The following PCDHGA1 variants were observed in gnomAD, a reference collection of about 807,000 sequenced individuals.
The protein encoded by PCDHGA1 is protocadherin gamma subfamily A, 1.
A neutral mutation model predicts 58.0 loss-of-function variants in PCDHGA1; 32 were observed. The ratio of observed to expected loss-of-function variants is 0.55; its 90% CI spans 0.42 to 0.74. The LOEUF (loss-of-function observed/expected upper bound fraction) is 0.74, where lower values mean the gene tolerates loss of function less well. Ranked by LOEUF, PCDHGA1 falls within the 30% of genes least tolerant of loss-of-function variation. PCDHGA1 has a pLI of 0.00. For synonymous variants in PCDHGA1, 498 were observed against 501.1 expected (o/e 0.99, Z 0.08); for missense variants, 1,205 against 1,182.3 (o/e 1.02, Z -0.28).
At chr5:141,492,168 A>C (rs1426223836) in intron 1 of PCDHGA1, among the ~76,000 whole-genome samples, 1 of 152,108 alleles carries the variant, frequency 6.6e-6, no homozygotes, top group African/African-American at 2.4e-5. Context: ...CTATCCCCGC[A>C]TCACCCAACC....
intron 1 of PCDHGA1, chr5:141,366,677 G>C (rs781103707): frequency 6.2e-7 from 1 of 1,614,148 alleles, no homozygotes; most frequent in Non-Finnish European, 8.5e-7. Context: ...CCTTAGTGAA[G>C]AGAGCTGTGA....
At chr5:141,451,561 C>T (rs1412657561) in intron 1 of PCDHGA1, among the ~76,000 whole-genome samples, 2 of 152,096 alleles carry the variant, frequency 1.3e-5, no homozygotes, top group Non-Finnish European at 2.9e-5. Flanking sequence ...ATGAAAGCCA[C>T]AATCTTTTTA....
intron 1 of PCDHGA1, among the ~76,000 whole-genome samples, chr5:141,433,995 CT>C (rs2097669147): frequency 2.6e-5 from 4 of 152,028 alleles, no homozygotes; most frequent in Admixed American, 2.0e-4. Flanking sequence ...GTTTTATATT[CT>C]CTATATATGT....
chr5:141,455,541 A>G (rs2098825752), intron 1 of PCDHGA1, among the ~76,000 whole-genome samples: 1 of 152,134 alleles, frequency 6.6e-6, no homozygotes, highest in African/African-American at 2.4e-5. Context: ...CATATCATTC[A>G]CGTAGCCCGA....
chr5:141,460,987 A>G (rs201722325), intron 1 of PCDHGA1, among the ~76,000 whole-genome samples: 34 of 92,988 alleles, frequency 3.7e-4, no homozygotes, highest in Middle Eastern at 5.0e-3. Flanking sequence ...GTGTGTGTAT[A>G]TATATATATG....
intron 1 of PCDHGA1, among the ~76,000 whole-genome samples, chr5:141,449,974 A>T (rs2098661108): frequency 6.6e-6 from 1 of 151,260 alleles, no homozygotes; most frequent in African/African-American, 2.4e-5. Context: ...TTTAGTCCAA[A>T]ATATCACACA....
At chr5:141,460,864 A>C (rs1220160866) in intron 1 of PCDHGA1, among the ~76,000 whole-genome samples, 1 of 151,800 alleles carries the variant, frequency 6.6e-6, no homozygotes, top group East Asian at 1.9e-4. Flanking sequence ...AAGTTGCTGC[A>C]AAGGACATTA....
chr5:141,489,069 C>G lies in PCDHGA1; in HGVS notation c.2422-5738C>G. ...TCAAATTCAGCTCCCCTCCCCCCTGCCCACCCCCGCCACTCGGTGACTAAG... is the reference window on the plus strand; with the variant it reads ...TCAAATTCAGCTCCCCTCCCCCCTGGCCACCCCCGCCACTCGGTGACTAAG... On this transcript the variant is annotated intron_variant, in intron 1 of 3. Coordinates refer to ENST00000517417, the MANE Select transcript of PCDHGA1 (RefSeq NM_018912.3). The surrounding 1 kb of genome is among the most constrained non-coding windows in gnomAD (Gnocchi z 4.5). 6.4e-5 allele frequency: 18 copies of G among 281,056 alleles called. No homozygotes were observed. Among genetic ancestry groups the G allele is most frequent in the Middle Eastern group, 1.1e-3 (1 of 944 alleles). 17.4% of individuals were successfully genotyped at this position (281,056 alleles called of 1,614,324 possible).
Position 141,477,912 on chromosome 5 carries a change from A to T in PCDHGA1, c.2422-16895A>T. The T allele has an allele frequency of 6.2e-7, 1 of 1,614,166 alleles. No individual in the cohort carries two copies. Among genetic ancestry groups the T allele is most frequent in the Non-Finnish European group, 8.5e-7 (1 of 1,180,022 alleles). ...TCACGGGTGGTAGGCTGGGACGCGGATGCAGGGCACAATGCCTGGCTCTCC... is the reference window on the plus strand; with the variant it reads ...TCACGGGTGGTAGGCTGGGACGCGGTTGCAGGGCACAATGCCTGGCTCTCC... On this transcript the variant is annotated intron_variant, in intron 1 of 3. Coordinates refer to ENST00000517417, the MANE Select transcript of PCDHGA1 (RefSeq NM_018912.3). This position sits in a 1 kb window ranked among gnomAD's most constrained non-coding sequence, Gnocchi z 4.9.
intron 1 of PCDHGA1, chr5:141,378,952 A>C (rs1276367452): frequency 6.6e-6 from 1 of 152,232 alleles, no homozygotes; most frequent in East Asian, 1.9e-4. Flanking sequence ...AATGGAGTAC[A>C]GGGGATTCTC....
chr5:141,341,590 T>C (rs1757071068), intron 1 of PCDHGA1: 3 of 1,118,678 alleles, frequency 2.7e-6, no homozygotes, highest in Non-Finnish European at 3.7e-6. Context: ...GTGAGAATCT[T>C]TGTGCAATGA....
At chr5:141,333,390 G>C in intron 1 of PCDHGA1, 1 of 534,064 alleles carries the variant, frequency 1.9e-6, no homozygotes, top group South Asian at 3.0e-5. Context: ...ATTAGAAACG[G>C]CGATCTAGCT....
chr5:141,388,628 G>T (rs752578230), intron 1 of PCDHGA1: 1 of 1,613,898 alleles, frequency 6.2e-7, no homozygotes, highest in East Asian at 2.2e-5. Flanking sequence ...ACGTATACAG[G>T]GTGAGCCTTT....
At chr5:141,433,289 G>C in intron 1 of PCDHGA1, 1 of 1,130,682 alleles carries the variant, frequency 8.8e-7, no homozygotes, top group Non-Finnish European at 1.3e-6. Context: ...AAACTCCTAG[G>C]CTCAAGCAAT....
chr5:141,398,083 C>G, intron 1 of PCDHGA1: 1 of 1,599,552 alleles, frequency 6.3e-7, no homozygotes, highest in Non-Finnish European at 8.5e-7. Context: ...TTATTTGTAA[C>G]CTGGCGTCTC....
At chr5:141,351,633 C>G (rs1407000828) in intron 1 of PCDHGA1, 2 of 1,614,070 alleles carry the variant, frequency 1.2e-6, no homozygotes, top group South Asian at 2.2e-5. Flanking sequence ...GTCCACGTGT[C>G]TGAGAACAAC....
In PCDHGA1 at chr5:141,489,621, T is replaced by C. The variant is rs765666746; in HGVS notation, c.2422-5186T>C. 29 of 1,613,978 alleles carry C rather than the reference T, an allele frequency of 1.8e-5. No individual in the cohort carries two copies. The highest frequency in any genetic ancestry group is 1.6e-4 in the Middle Eastern group (1 of 6,084). On this transcript the variant is annotated intron_variant, in intron 1 of 3. Transcript: ENST00000517417. The surrounding 1 kb of genome is among the most constrained non-coding windows in gnomAD (Gnocchi z 4.5). ...TAGAGGTAGAGATCCTGGATCTCAATGACAACTCTCCTAGCTTTGCCACCC... is the reference window on the plus strand; with the variant it reads ...TAGAGGTAGAGATCCTGGATCTCAACGACAACTCTCCTAGCTTTGCCACCC...
Position 141,332,654 on chromosome 5 carries a change from C to T in PCDHGA1, c.1970C>T (p.Thr657Ile), listed in dbSNP as rs1183125058. 1.2e-6 allele frequency: 2 copies of T among 1,613,180 alleles called. No individual in the cohort carries two copies. Among genetic ancestry groups the T allele is most frequent in the Non-Finnish European group, 1.7e-6 (2 of 1,179,798 alleles). Residue 657 changes from threonine to isoleucine, a missense_variant, in exon 1 of 4, where the codon ACT becomes ATT. By Grantham distance (89) the Thr-to-Ile change is moderately conservative. Transcript: ENST00000517417. This position sits in a 1 kb window ranked among gnomAD's most constrained non-coding sequence, Gnocchi z 4.6. Reference sequence around the variant, plus strand: ...CACGGCCAGCCCCCGCTCTCCGCCACTGTCACGCTCACCGTGGCCGTGGCC... The same window carrying T: ...CACGGCCAGCCCCCGCTCTCCGCCATTGTCACGCTCACCGTGGCCGTGGCC... ...QDHGQPPLSA[T>I]VTLTVAVADR...
intron 1 of PCDHGA1, chr5:141,385,740 T>A: frequency 4.9e-6 from 1 of 202,756 alleles, no homozygotes; most frequent in Non-Finnish European, 8.9e-6. Context: ...ATTTCTTCCA[T>A]GTGAAGATTT....
Sources: allele counts gnomAD v4.1 joint callset (sites outside exome capture counted in the v4.1 genomes callset), GRCh38; gene constraint gnomAD v4.1.1; non-coding constraint Gnocchi (gnomAD v3.1); transcripts MANE v1.5; gene names NCBI Gene and HGNC (gene_info 2026-07-23, HGNC 2026-07-21).